VAPA: variants seen among roughly 807,000 people sequenced by gnomAD.
The protein encoded by VAPA is VAMP associated protein A.
In VAPA, 6 loss-of-function variants were observed where a neutral mutation model predicts 25.6. The ratio of observed to expected loss-of-function variants is 0.23; its 90% CI spans 0.13 to 0.46. VAPA has a LOEUF of 0.46. Among genes scored for constraint, VAPA ranks in the 20% least tolerant of loss-of-function variants. The probability of loss-of-function intolerance (pLI) is 0.99; values close to 1 mark genes in which losing one functional copy is unlikely to be tolerated. For missense variants in VAPA, 244 were observed against 302.1 expected (o/e 0.81, Z 1.43); for synonymous variants, 112 against 106.2 (o/e 1.05, Z -0.34).
intron 1 of VAPA, among the ~76,000 whole-genome samples, chr18:9,928,988 A>G (rs1383547108): frequency 6.6e-6 from 1 of 152,206 alleles, no homozygotes. Context: ...ATGTGAATAT[A>G]GGTAGATTCA....
At chr18:9,936,452 T>G (rs2069311020) in intron 3 of VAPA, 2 of 285,850 alleles carry the variant, frequency 7.0e-6, no homozygotes, top group Non-Finnish European at 1.3e-5. Context: ...GGCTCACACC[T>G]GTAATCCCAG....
chr18:9,940,027 T>C (rs1010980452), intron 4 of VAPA, among the ~76,000 whole-genome samples: 4 of 152,174 alleles, frequency 2.6e-5, no homozygotes, highest in African/African-American at 9.6e-5. Flanking sequence ...TATTCAGTGG[T>C]AGAGTTTAAA....
chr18:9,924,026 C>T (rs1567892533), intron 1 of VAPA: 1 of 152,904 alleles, frequency 6.5e-6, no homozygotes, highest in Non-Finnish European at 1.5e-5. Context: ...ATAAAAATTA[C>T]TCAATCTCAC....
At chr18:9,922,586 A>T (rs1277821092) in intron 1 of VAPA, among the ~76,000 whole-genome samples, 1 of 152,170 alleles carries the variant, frequency 6.6e-6, no homozygotes, top group African/African-American at 2.4e-5. Context: ...CTGACCAGTC[A>T]AAATTTTGAT....
intron 1 of VAPA, among the ~76,000 whole-genome samples, chr18:9,921,460 A>AT (rs1168677179): frequency 6.6e-6 from 1 of 152,266 alleles, no homozygotes; most frequent in Non-Finnish European, 1.5e-5. Flanking sequence ...AAAAATGCAT[A>AT]TAAAGAATAG....
intron 4 of VAPA, among the ~76,000 whole-genome samples, chr18:9,946,846 T>G (rs1047478966): frequency 2.6e-5 from 4 of 152,176 alleles, no homozygotes; most frequent in African/African-American, 9.7e-5. Flanking sequence ...AACTGTAAAA[T>G]TAAAATTTTT....
intron 4 of VAPA, among the ~76,000 whole-genome samples, chr18:9,942,020 T>C (rs971732218): frequency 6.6e-6 from 1 of 152,230 alleles, no homozygotes; most frequent in African/African-American, 2.4e-5. Context: ...TTGTAAAAAG[T>C]ATGTTAACTT....
At chr18:9,946,660 TA>T (rs962876491) in intron 4 of VAPA, among the ~76,000 whole-genome samples, 5 of 152,030 alleles carry the variant, frequency 3.3e-5, no homozygotes, top group Non-Finnish European at 7.4e-5. Context: ...ATAGGGCACT[TA>T]CTGTGAATGG....
chr18:9,941,062 A>G (rs2069362051), intron 4 of VAPA, among the ~76,000 whole-genome samples: 1 of 151,952 alleles, frequency 6.6e-6, no homozygotes, highest in South Asian at 2.1e-4. Flanking sequence ...CACATTGCGT[A>G]TTTGCCTATT....
intron 4 of VAPA, among the ~76,000 whole-genome samples, chr18:9,943,253 T>C (rs888055596): frequency 1.3e-5 from 2 of 152,202 alleles, no homozygotes; most frequent in African/African-American, 4.8e-5. Flanking sequence ...GAACCATCAC[T>C]AAAGTATGGG....
At chr18:9,942,590 GGT>G (rs546418332) in intron 4 of VAPA, among the ~76,000 whole-genome samples, 335 of 152,222 alleles carry the variant, frequency 2.2e-3, no homozygotes, top group Non-Finnish European at 3.8e-3. Context: ...AAAGAAAAGA[GGT>G]TTAATTGGCT....
intron 5 of VAPA, among the ~76,000 whole-genome samples, chr18:9,953,449 CTG>C (rs1362437461): frequency 6.6e-6 from 1 of 152,240 alleles, no homozygotes; most frequent in Non-Finnish European, 1.5e-5. Flanking sequence ...TATAAAAACA[CTG>C]TTACTTAAAT....
chr18:9,946,020 CT>C (rs1198044619), intron 4 of VAPA, among the ~76,000 whole-genome samples: 135 of 152,268 alleles, frequency 8.9e-4, no homozygotes, highest in African/African-American at 3.1e-3. Context: ...ACGTTTATGT[CT>C]TTTATCTCCT....
chr18:9,924,045 C>T (rs1305941627), intron 1 of VAPA: 3 of 152,252 alleles, frequency 2.0e-5, no homozygotes, highest in Non-Finnish European at 2.9e-5. Flanking sequence ...ACAAAATAAC[C>T]TCTGTTAACA....
chr18:9,944,614 G>T (rs761262038), intron 4 of VAPA, among the ~76,000 whole-genome samples: 15 of 152,114 alleles, frequency 9.9e-5, no homozygotes, highest in Non-Finnish European at 1.9e-4. Flanking sequence ...AAGCCACAAA[G>T]AATTAGATGG....
intron 1 of VAPA, among the ~76,000 whole-genome samples, chr18:9,920,247 A>T (rs1671982861): frequency 2.0e-5 from 3 of 152,090 alleles, no homozygotes; most frequent in African/African-American, 7.2e-5. Flanking sequence ...TAATTTCCTT[A>T]CTTCAGGTCC....
intron 4 of VAPA, among the ~76,000 whole-genome samples, chr18:9,940,938 G>C (rs971384333): frequency 1.3e-5 from 2 of 152,130 alleles, no homozygotes; most frequent in African/African-American, 2.4e-5. Flanking sequence ...ATGTTAAAGA[G>C]AGGCTAAAAC....
Position 9,959,933 on chromosome 18 carries a change from G to T in VAPA, c.*5722G>T, listed in dbSNP as rs1168179068. The T allele has an allele frequency of 6.6e-6, 1 of 151,946 alleles. No homozygotes were observed. The highest frequency in any genetic ancestry group is 1.5e-5 in the Non-Finnish European group (1 of 67,948). The allele number at this position is 151,946 out of a possible 1,614,324, so 9.4% of individuals were successfully genotyped here. A position where few individuals can be genotyped will look rare whatever the true frequency, so the allele number is the denominator to read the frequency against. ...ATATAATATGTAGATAAATATATGA[G>T]GGTATTAAGCTACTTTGAATTAAAT... On this transcript the variant is annotated 3_prime_UTR_variant, in exon 6 of 6. Transcript: ENST00000400000.
chr18:9,944,877 T>A (rs751435042), intron 4 of VAPA: 12 of 1,595,286 alleles, frequency 7.5e-6, no homozygotes, highest in Non-Finnish European at 1.7e-6. Context: ...GCAGAAGAAA[T>A]CAGAGTTCGG....
Sources: allele counts gnomAD v4.1 joint callset (sites outside exome capture counted in the v4.1 genomes callset), GRCh38; gene constraint gnomAD v4.1.1; transcripts MANE v1.5; gene names NCBI Gene and HGNC (gene_info 2026-07-23, HGNC 2026-07-21).